The following PSD4 variants were observed in gnomAD, a reference collection of about 807,000 sequenced individuals.
PSD4 encodes pleckstrin and Sec7 domain containing 4.
In PSD4, 59 loss-of-function variants were observed where a neutral mutation model predicts 112.5. The observed-to-expected ratio is 0.52, with a 90% confidence interval of 0.43 to 0.65. The LOEUF is 0.65. Ranked by LOEUF, PSD4 falls within the 30% of genes least tolerant of loss-of-function variation. The pLI is 0.00. For missense variants in PSD4, 1,267 were observed against 1,352.6 expected (o/e 0.94, Z 0.99); for synonymous variants, 533 against 540.0 (o/e 0.99, Z 0.18).
chr2:113,181,649 G>A (rs1573352601), intron 1 of PSD4, among the ~76,000 whole-genome samples: 1 of 152,216 alleles, frequency 6.6e-6, no homozygotes, highest in African/African-American at 2.4e-5. Flanking sequence ...TCTGCTGGGT[G>A]GTAGGCAGCA....
Position 113,182,929 on chromosome 2 carries a change from C to A in PSD4, c.473C>A (p.Ala158Glu), listed in dbSNP as rs1425942029. Reference sequence around the variant, plus strand: ...ACGTCCACACAGGTAGTGTTCTGGGCAGGCATCCTGCAGGCCCAGATGTGT... The same window carrying A: ...ACGTCCACACAGGTAGTGTTCTGGGAAGGCATCCTGCAGGCCCAGATGTGT... The part of the protein sequence containing the change: ...RSTSTQVVFW[A>E]GILQAQMCVL... Residue 158 changes from alanine (A) to glutamate (E), a missense_variant, in exon 2 of 17, where the codon GCA becomes GAA. Ala to Glu is a moderately radical substitution (Grantham distance 107). This residue lies in a region of PSD4 where 723 missense variants were observed against 704.0 expected (regional missense o/e 1.03). Coordinates refer to ENST00000245796, the MANE Select transcript of PSD4 (RefSeq NM_012455.3). 1.2e-6 allele frequency: 2 copies of A among 1,614,126 alleles called. No homozygotes were observed. The highest frequency in any genetic ancestry group is 1.7e-6 in the Non-Finnish European group (2 of 1,180,060).
At chr2:113,191,494 A>C (rs572016117) in intron 5 of PSD4, among the ~76,000 whole-genome samples, 2 of 151,864 alleles carry the variant, frequency 1.3e-5, no homozygotes, top group Non-Finnish European at 2.9e-5. Flanking sequence ...CTGGCTTCGA[A>C]CTCCTGGCCT....
At position 113,182,600 on chromosome 2, in the gene PSD4, G is replaced by A. The variant is rs779397133; in HGVS notation, c.144G>A (p.Glu48=). 6.8e-6 allele frequency: 11 copies of A among 1,614,028 alleles called. No homozygotes were observed. The South Asian group carries it at 1.1e-4, about 16-fold the overall frequency. ...SHEDPPEPFE[E]QTWATDPPEP... ...AGGATCCACCGGAGCCTTTCGAGGA[G>A]CAAACCTGGGCCACTGACCCTCCTG... is the stretch of plus-strand genomic sequence containing the variant. The change falls in exon 2 of 17, where the codon GAG becomes GAA. Residue 48 remains glutamate, a synonymous_variant. Transcript: ENST00000245796.
Position 113,186,103 on chromosome 2 carries a change from C to G in PSD4, c.1476C>G (p.Leu492=), listed in dbSNP as rs1471857006. 6.2e-7 allele frequency: 1 copy of G among 1,614,120 alleles called. No homozygotes were observed. Among genetic ancestry groups the G allele is most frequent in the African/African-American group, 1.3e-5 (1 of 74,936 alleles). Residue 492 remains leucine (L), a synonymous_variant, in exon 5 of 17, where the codon CTC becomes CTG. Transcript: ENST00000245796. ...CACTAGATGCTTCACAGTCTTCACT[C>G]TTGGAGACGGATGGGGAACAGCCAA... ...KWTLDASQSS[L]LETDGEQPSS...
chr2:113,193,225 G>A, intron 7 of PSD4, 33 bp from the exon 8 acceptor site: 2 of 1,589,348 alleles, frequency 1.3e-6, no homozygotes, highest in South Asian at 2.3e-5. Context: ...TAAGCTCCCG[G>A]GCTCTCTCCT....
At chr2:113,186,644 T>C (rs984332510) in intron 5 of PSD4, among the ~76,000 whole-genome samples, 1 of 152,074 alleles carries the variant, frequency 6.6e-6, no homozygotes, top group African/African-American at 2.4e-5. Flanking sequence ...GCTTGTAATG[T>C]GGGGATTATG....
rs574631603 is a variant in PSD4, at chr2:113,191,442, T to G, written c.1629-938T>G. ...AGGCATGTGCCACCCTGCCTAATTT[T>G]TGTATTTTTAGTAGAGACAGCGTTT... On this transcript the variant is annotated intron_variant, in intron 5 of 16. Transcript: ENST00000245796. 7.2e-5 allele frequency among the ~76,000 whole-genome samples: 11 copies of G among 152,296 alleles called. No homozygotes were observed. The East Asian group carries it at 2.1e-3, about 29-fold the overall frequency.
chr2:113,174,648 G>A (rs1414247115), intron 1 of PSD4, among the ~76,000 whole-genome samples: 3 of 152,140 alleles, frequency 2.0e-5, no homozygotes, highest in African/African-American at 7.2e-5. Flanking sequence ...GGAGAAGCTC[G>A]AGGAGAGGTA....
Position 113,182,416 on chromosome 2 carries a change from C to T in PSD4, c.-41C>T. The stretch of plus-strand genomic sequence containing the variant: ...AGTCCACACAGTGAGACCGTGAAAG[C>T]AGATGCTCCGGGGCACTCCTGGGCA... On this transcript the variant is annotated 5_prime_UTR_variant, in exon 2 of 17. Transcript: ENST00000245796. The T allele has an allele frequency of 6.6e-7, 1 of 1,522,696 alleles. No homozygotes were observed. Among genetic ancestry groups the T allele is most frequent in the Non-Finnish European group, 8.9e-7 (1 of 1,120,498 alleles). 94.3% of individuals were successfully genotyped at this position (1,522,696 alleles called of 1,614,324 possible).
Position 113,193,381 on chromosome 2 carries a change from G to A in PSD4, c.2032+11G>A. On this transcript the variant is annotated intron_variant, in intron 8 of 16. Transcript: ENST00000245796. The stretch of plus-strand genomic sequence containing the variant: ...TCTTCCCCTCAGTAGGTAGGGAGGG[G>A]CTGGCCCTGACAGCAAAGCAGGGAA... 4.4e-6 allele frequency: 7 copies of A among 1,607,696 alleles called. No homozygotes were observed. The highest frequency in any genetic ancestry group is 5.9e-6 in the Non-Finnish European group (7 of 1,177,048).
Position 113,201,864 on chromosome 2 carries a change from G to A in PSD4, c.*449G>A, listed in dbSNP as rs563122250. On this transcript the variant is annotated 3_prime_UTR_variant, in exon 17 of 17. Coordinates refer to ENST00000245796, the MANE Select transcript of PSD4 (RefSeq NM_012455.3). ...GCCCCTGGGCAGCCCAGCCAGGGGAGCCACAGCCCCAAGGATGGTCTTGCT... is the reference window on the plus strand; with the variant it reads ...GCCCCTGGGCAGCCCAGCCAGGGGAACCACAGCCCCAAGGATGGTCTTGCT... The A allele has an allele frequency of 1.3e-4, 22 of 167,416 alleles. No individual in the cohort carries two copies. Among genetic ancestry groups the A allele is most frequent in the Non-Finnish European group, 2.7e-4 (21 of 76,474 alleles). The allele number at this position is 167,416 out of a possible 1,614,324, so 10.4% of individuals were successfully genotyped here. A position where few individuals can be genotyped will look rare whatever the true frequency, so the allele number is the denominator to read the frequency against.
chr2:113,176,466 G>C (rs45583231), intron 1 of PSD4, among the ~76,000 whole-genome samples: 37 of 152,310 alleles, frequency 2.4e-4, no homozygotes, highest in African/African-American at 8.7e-4. Flanking sequence ...AATGTAGTCA[G>C]CTGTGCTCAA....
intron 12 of PSD4, among the ~76,000 whole-genome samples, chr2:113,196,799 G>C (rs190270176): frequency 6.6e-6 from 1 of 152,188 alleles, no homozygotes; most frequent in Non-Finnish European, 1.5e-5. Flanking sequence ...ACAGCAAGCC[G>C]AGTTTGCTCA....
At chr2:113,195,694 G>A (rs759923940) in intron 10 of PSD4, 33 bp from the exon 11 acceptor site, 1 of 1,613,934 alleles carries the variant, frequency 6.2e-7, no homozygotes, top group South Asian at 1.1e-5. Flanking sequence ...CAGCCCTGAG[G>A]CTCCCCTGCC....
In PSD4 at chr2:113,199,204, G is replaced by C. The variant is rs1205488820; in HGVS notation, c.2891G>C (p.Arg964Pro). The C allele has an allele frequency of 7.3e-6, 11 of 1,517,150 alleles. No individual in the cohort carries two copies. Among genetic ancestry groups the C allele is most frequent in the Non-Finnish European group, 9.7e-6 (11 of 1,136,266 alleles). The allele number at this position is 1,517,150 out of a possible 1,614,324, so 94.0% of individuals were successfully genotyped here. The part of the protein sequence containing the change: ...RGRELEEHRL[R>P]KEYLEYEKTR... The stretch of plus-strand genomic sequence containing the variant: ...CGCGAGCTGGAGGAGCACCGCCTGC[G>C]GAAGGAGTACCTGGAGTACGAGGTG... Residue 964 changes from arginine to proline, a missense_variant, in exon 16 of 17, where the codon CGG (arginine) becomes CCG (proline). Physicochemically the swap from Arg to Pro is moderately radical, Grantham distance 103. Transcript: ENST00000245796.
intron 1 of PSD4, among the ~76,000 whole-genome samples, chr2:113,177,079 T>C (rs1041881173): frequency 1.3e-5 from 2 of 152,220 alleles, no homozygotes; most frequent in Non-Finnish European, 2.9e-5. Context: ...GGTCCTCCTT[T>C]CTGTTCGGGT....
At position 113,182,907 on chromosome 2, in the gene PSD4, T is replaced by A. The variant is rs765569513; in HGVS notation, c.451T>A (p.Ser151Thr). ...GAGCCCAAAGCAGAACCGGAGCACG[T>A]CCACACAGGTAGTGTTCTGGGCAGG... is the stretch of plus-strand genomic sequence containing the variant. ...PGSPKQNRST[S>T]TQVVFWAGIL... Residue 151 changes from serine (S) to threonine (T), a missense_variant, in exon 2 of 17, where the codon TCC becomes ACC. Ser to Thr is a moderately conservative substitution (Grantham distance 58). Transcript: ENST00000245796. 1.5e-5 allele frequency: 24 copies of A among 1,614,170 alleles called. No homozygotes were observed. Among genetic ancestry groups the A allele is most frequent in the Middle Eastern group, 3.3e-4 (2 of 6,062 alleles).
chr2:113,198,581 G>A (rs772512611), intron 14 of PSD4, 159 bp from the exon 15 acceptor site: 1 of 823,210 alleles, frequency 1.2e-6, no homozygotes, highest in South Asian at 2.7e-5. Flanking sequence ...GAAATGCCAC[G>A]GTCAGAGGTC....
In PSD4 at chr2:113,198,734, C is replaced by T. The variant is rs763592548; in HGVS notation, c.2625-6C>T. ...CCCCGGGGACCAACGACCTCCTTTGCCCCAGCACTGCCAAGGAGATGAGCT... is the reference window on the plus strand; with the variant it reads ...CCCCGGGGACCAACGACCTCCTTTGTCCCAGCACTGCCAAGGAGATGAGCT... On this transcript the variant is annotated splice_region_variant and splice_polypyrimidine_tract_variant and intron_variant, in intron 14 of 16. Transcript: ENST00000245796. 9.7e-6 allele frequency: 15 copies of T among 1,543,272 alleles called. 1 individual carries two copies. In the East Asian group the frequency reaches 2.1e-4, roughly 22 times the overall value.
Sources: allele counts gnomAD v4.1 joint callset (sites outside exome capture counted in the v4.1 genomes callset), GRCh38; gene constraint gnomAD v4.1.1; regional missense constraint gnomAD v4.1.1; transcripts MANE v1.5; gene names NCBI Gene and HGNC (gene_info 2026-07-23, HGNC 2026-07-21).